Variants in DLG2 observed in about 807,000 individuals in gnomAD.
DLG2 encodes discs large MAGUK scaffold protein 2.
In DLG2, 45 loss-of-function variants were observed where a neutral mutation model predicts 132.5. The ratio of observed to expected loss-of-function variants is 0.34; its 90% CI spans 0.27 to 0.44. The LOEUF (loss-of-function observed/expected upper bound fraction) is 0.44. Ranked by LOEUF, DLG2 falls within the 20% of genes least tolerant of loss-of-function variation. The pLI is 1.00. For synonymous variants in DLG2, 424 were observed against 419.6 expected (o/e 1.01, Z -0.13); for missense variants, 1,045 against 1,196.9 (o/e 0.87, Z 1.87).
intron 8 of DLG2, among the ~76,000 whole-genome samples, chr11:84,216,272 A>G (rs916329248): frequency 1.3e-5 from 2 of 152,108 alleles, no homozygotes; most frequent in South Asian, 2.1e-4. Flanking sequence ...GGCTCATGTA[A>G]TTACAGTGAA....
chr11:84,480,090 T>C (rs906780075), intron 7 of DLG2, among the ~76,000 whole-genome samples: 1 of 152,232 alleles, frequency 6.6e-6, no homozygotes, highest in Non-Finnish European at 1.5e-5. Context: ...TATTATTTCA[T>C]GGTCATGCTG....
At position 84,010,794 on chromosome 11, in the gene DLG2, T is replaced by C. The variant is rs1362859122; in HGVS notation, c.920-30152A>G. Among the ~76,000 whole-genome samples, 3 of 151,846 alleles carry C rather than the reference T, an allele frequency of 2.0e-5. No homozygotes were observed. In the East Asian group the frequency reaches 5.8e-4, roughly 29 times the overall value. On this transcript the variant is annotated intron_variant, in intron 11 of 27. Transcript: ENST00000376104. ...CATGATGTAAACACTTGAGCATTAT[T>C]ATCATTAATTATGTGCTTGTGTCTT... is the stretch of plus-strand genomic sequence containing the variant.
intron 11 of DLG2, among the ~76,000 whole-genome samples, chr11:84,011,740 T>C (rs1297389782): frequency 1.3e-5 from 2 of 152,086 alleles, no homozygotes; most frequent in African/African-American, 4.8e-5. Flanking sequence ...ACAATGAATG[T>C]GGCCAAATAT....
chr11:85,201,309 G>T (rs2081440519), intron 4 of DLG2, among the ~76,000 whole-genome samples: 1 of 152,136 alleles, frequency 6.6e-6, no homozygotes, highest in Admixed American at 6.5e-5. Flanking sequence ...CCTTTCTACA[G>T]CATCTCTGGA....
At chr11:84,955,423 T>G (rs919420351) in intron 6 of DLG2, 3 of 152,088 alleles carry the variant, frequency 2.0e-5, no homozygotes, top group Non-Finnish European at 4.4e-5. Flanking sequence ...AACCTCAGAG[T>G]TGGACCTCAG....
At chr11:85,485,096 G>A (rs1450065208) in intron 3 of DLG2, among the ~76,000 whole-genome samples, 18 of 151,728 alleles carry the variant, frequency 1.2e-4, no homozygotes, top group Admixed American at 2.6e-4. Flanking sequence ...GCAAACTATC[G>A]CAAGGACAAA....
At chr11:84,211,691 C>T (rs1257891708) in intron 8 of DLG2, among the ~76,000 whole-genome samples, 14 of 152,116 alleles carry the variant, frequency 9.2e-5, no homozygotes, top group African/African-American at 3.1e-4. Flanking sequence ...ATAAAATAGA[C>T]TTTCCTTAGT....
intron 14 of DLG2, among the ~76,000 whole-genome samples, chr11:83,950,870 A>T (rs1240671988): frequency 6.6e-6 from 1 of 152,082 alleles, no homozygotes; most frequent in Non-Finnish European, 1.5e-5. Flanking sequence ...ACTGCTCTCC[A>T]ACACAGCATG....
intron 6 of DLG2, among the ~76,000 whole-genome samples, chr11:84,866,525 G>C (rs1160503866): frequency 6.6e-6 from 1 of 152,208 alleles, no homozygotes; most frequent in Non-Finnish European, 1.5e-5. Context: ...ATCTGCAGAT[G>C]CTAGGTAGAG....
intron 6 of DLG2, among the ~76,000 whole-genome samples, chr11:84,939,004 A>C (rs1050237859): frequency 1.3e-5 from 2 of 152,182 alleles, no homozygotes; most frequent in African/African-American, 2.4e-5. Context: ...ATTTCCTTTA[A>C]GTGTTCAAAA....
chr11:84,995,436 T>C (rs2057541328), intron 6 of DLG2, among the ~76,000 whole-genome samples: 2 of 152,188 alleles, frequency 1.3e-5, no homozygotes, highest in Non-Finnish European at 2.9e-5. Flanking sequence ...ATAGCTCTTA[T>C]AATCTTGTTA....
At chr11:85,613,439 T>G (rs954846552) in intron 2 of DLG2, among the ~76,000 whole-genome samples, 1 of 152,078 alleles carries the variant, frequency 6.6e-6, no homozygotes, top group Admixed American at 6.6e-5. Context: ...CCGACAGCAA[T>G]TGGGGTGTCC....
intron 18 of DLG2, among the ~76,000 whole-genome samples, chr11:83,682,825 T>G (rs573375210): frequency 2.3e-4 from 35 of 152,154 alleles, no homozygotes; most frequent in African/African-American, 7.9e-4. Flanking sequence ...TTCACTGAAT[T>G]TATGGAATGC....
chr11:83,928,930 G>A (rs531714568), intron 15 of DLG2, among the ~76,000 whole-genome samples: 1 of 152,010 alleles, frequency 6.6e-6, no homozygotes, highest in African/African-American at 2.4e-5. Context: ...ACTTCCTTAC[G>A]GCTATGGTGA....
intron 6 of DLG2, among the ~76,000 whole-genome samples, chr11:85,039,927 A>C (rs912890289): frequency 3.9e-5 from 6 of 151,914 alleles, no homozygotes; most frequent in African/African-American, 1.4e-4. Context: ...GTAATTCACA[A>C]CATAAGAACT....
chr11:85,285,008 CA>C (rs2078466718), intron 4 of DLG2, among the ~76,000 whole-genome samples: 2 of 151,770 alleles, frequency 1.3e-5, no homozygotes, highest in South Asian at 4.2e-4. Context: ...ATAACCCACT[CA>C]AAAAATATAA....
At chr11:83,715,061 C>A (rs1476507581) in intron 18 of DLG2, among the ~76,000 whole-genome samples, 2 of 152,086 alleles carry the variant, frequency 1.3e-5, no homozygotes, top group Admixed American at 6.5e-5. Context: ...ACATATACAC[C>A]ATGGAATACT....
chr11:83,844,233 C>A (rs1265085365), intron 16 of DLG2, among the ~76,000 whole-genome samples: 1 of 151,924 alleles, frequency 6.6e-6, no homozygotes, highest in East Asian at 1.9e-4. Flanking sequence ...CTGATTTTGG[C>A]TCATAGGGTA....
intron 4 of DLG2, among the ~76,000 whole-genome samples, chr11:85,162,953 T>G (rs2078153044): frequency 6.6e-6 from 1 of 152,264 alleles, no homozygotes; most frequent in South Asian, 2.1e-4. Flanking sequence ...AGACCCACCC[T>G]TAATCTGGAT....
Sources: allele counts gnomAD v4.1 joint callset (sites outside exome capture counted in the v4.1 genomes callset), GRCh38; gene constraint gnomAD v4.1.1; transcripts MANE v1.5; gene names NCBI Gene and HGNC (gene_info 2026-07-23, HGNC 2026-07-21).